The following LAPTM4A variants were observed in gnomAD, a reference collection of about 807,000 sequenced individuals.
The protein encoded by LAPTM4A is lysosomal protein transmembrane 4 alpha, also known as lysosomal-associated transmembrane protein 4A.
LAPTM4A carries 19 observed loss-of-function variants against 29.9 expected under a neutral mutation model. That is an observed-to-expected ratio of 0.64 (90% CI 0.44 to 0.93). LAPTM4A has a LOEUF of 0.93. Ranked by LOEUF, LAPTM4A falls within the 40% of genes least tolerant of loss-of-function variation. The probability of loss-of-function intolerance (pLI) is 0.00; values close to 1 mark genes in which losing one functional copy is unlikely to be tolerated. For missense variants in LAPTM4A, 293 were observed against 288.5 expected, an observed-to-expected ratio of 1.02 and a Z score of -0.11; for synonymous variants, 105 against 102.1, an observed-to-expected ratio of 1.03 and a Z score of -0.17.
intron 1 of LAPTM4A, 31 bp downstream of exon 1, chr2:20,051,379 C>G (rs1558388544): frequency 6.2e-6 from 9 of 1,458,600 alleles, no homozygotes; most frequent in Non-Finnish European, 8.6e-6. Flanking sequence ...CCAGGCCCCC[C>G]GGACATACGC....
chr2:20,044,075 T>C (rs1017758222), intron 1 of LAPTM4A, among the ~76,000 whole-genome samples: 1 of 152,242 alleles, frequency 6.6e-6, no homozygotes, highest in African/African-American at 2.4e-5. Flanking sequence ...AGGCAAGGCA[T>C]GATATCTTTC....
intron 6 of LAPTM4A, among the ~76,000 whole-genome samples, chr2:20,033,518 G>T (rs971612697): frequency 1.3e-5 from 2 of 152,142 alleles, no homozygotes; most frequent in Admixed American, 6.5e-5. Context: ...CCTGCTTCTG[G>T]ACAAGGATTC....
chr2:20,036,955 C>T (rs1158117390), intron 4 of LAPTM4A, among the ~76,000 whole-genome samples: 1 of 152,316 alleles, frequency 6.6e-6, no homozygotes, highest in East Asian at 1.9e-4. Flanking sequence ...ACATAGTAGG[C>T]ACTGGAATAC....
rs970610880 is a variant in LAPTM4A at position 20,035,009 on chromosome 2, C to T, written c.486G>A (p.Leu162=). The T allele has an allele frequency of 4.3e-6, 7 of 1,612,944 alleles. No homozygotes were observed. Among genetic ancestry groups the T allele is most frequent in the Non-Finnish European group, 5.9e-6 (7 of 1,179,244 alleles). ...AGGCAAAGAACACAAGAACAATGAA[C>T]AGGAGGCAGCTGGAGTCCAAGGCCA... ...DLLALDSSCL[L]FIVLVFFALF... Residue 162 remains leucine, a synonymous_variant, in exon 5 of 7, where the codon CTG becomes CTA. Transcript: ENST00000175091.
chr2:20,046,748 T>TCATATAAATATATATATAATATAA (rs1235276011), intron 1 of LAPTM4A, among the ~76,000 whole-genome samples: 2 of 132,670 alleles, frequency 1.5e-5, no homozygotes, highest in Non-Finnish European at 3.3e-5. Flanking sequence ...TAAATATATA[T>TCATATAAATATATATATAATATAA]TATATAAATA....
intron 1 of LAPTM4A, 80 bp downstream of exon 1, chr2:20,051,330 C>T: frequency 1.2e-6 from 1 of 856,200 alleles, no homozygotes; most frequent in East Asian, 2.7e-5. Context: ...CCCAACACCC[C>T]GTTTCCAGTC....
In LAPTM4A at chr2:20,035,049, T is replaced by C. The variant is rs759307681; in HGVS notation, c.446A>G (p.Tyr149Cys). The C allele has an allele frequency of 1.9e-6, 3 of 1,611,140 alleles. No homozygotes were observed. Among genetic ancestry groups the C allele is most frequent in the Non-Finnish European group, 2.5e-6 (3 of 1,177,964 alleles). Residue 149 changes from tyrosine to cysteine, a missense_variant, in exon 5 of 7, where the codon TAC becomes TGC. By Grantham distance (194) the Tyr-to-Cys change is radical. Coordinates refer to ENST00000175091, the MANE Select transcript of LAPTM4A (RefSeq NM_014713.5). Reference sequence around the variant, plus strand: ...GTCCAAGGCCAGGAGGTCATCTTTGTAGGGAAAATCAGGCTATTAAAGAAA... The same window carrying C: ...GTCCAAGGCCAGGAGGTCATCTTTGCAGGGAAAATCAGGCTATTAAAGAAA... ...EYLDQLPDFP[Y>C]KDDLLALDSS...
chr2:20,048,553 G>A (rs1220672819), intron 1 of LAPTM4A, among the ~76,000 whole-genome samples: 7 of 152,216 alleles, frequency 4.6e-5, no homozygotes, highest in Admixed American at 4.6e-4. Flanking sequence ...GCCGTGGCTA[G>A]AAAGCAATGA....
chr2:20,042,435 C>G (rs1339159917), intron 1 of LAPTM4A, among the ~76,000 whole-genome samples: 1 of 152,168 alleles, frequency 6.6e-6, no homozygotes, highest in Non-Finnish European at 1.5e-5. Context: ...ACATTCTTGC[C>G]TATGAAGATT....
Position 20,032,852 on chromosome 2 carries a change from G to T in LAPTM4A, c.*353C>A, listed in dbSNP as rs555631486. On this transcript the variant is annotated 3_prime_UTR_variant, in exon 7 of 7. Coordinates refer to ENST00000175091, the MANE Select transcript of LAPTM4A (RefSeq NM_014713.5). ...GTCAGTCTTCCTGAAAGTACTCAGG[G>T]TAGCAAGTAACAAAATGCAAACGAT... 1 of 226,510 alleles carries T rather than the reference G, an allele frequency of 4.4e-6. No homozygotes were observed. Among genetic ancestry groups the T allele is most frequent in the East Asian group, 9.7e-5 (1 of 10,296 alleles). 14.0% of individuals were successfully genotyped at this position (226,510 alleles called of 1,614,324 possible). A position where few individuals can be genotyped will look rare whatever the true frequency, so the allele number is the denominator to read the frequency against.
chr2:20,044,108 G>A (rs1401389835), intron 1 of LAPTM4A, among the ~76,000 whole-genome samples: 1 of 152,170 alleles, frequency 6.6e-6, no homozygotes, highest in Non-Finnish European at 1.5e-5. Flanking sequence ...GACTTACCAG[G>A]AACAATCACT....
At chr2:20,040,610 T>G (rs1673773488) in intron 2 of LAPTM4A, among the ~76,000 whole-genome samples, 1 of 152,218 alleles carries the variant, frequency 6.6e-6, no homozygotes, top group African/African-American at 2.4e-5. Flanking sequence ...TACTATATTT[T>G]TCCATCTTTA....
At chr2:20,051,379 C>T in intron 1 of LAPTM4A, 31 bp downstream of exon 1, 1 of 1,458,594 alleles carries the variant, frequency 6.9e-7, no homozygotes, top group Non-Finnish European at 9.6e-7. Flanking sequence ...CCAGGCCCCC[C>T]GGACATACGC....
chr2:20,038,903 T>C (rs549871317), intron 2 of LAPTM4A, among the ~76,000 whole-genome samples: 21 of 152,114 alleles, frequency 1.4e-4, no homozygotes, highest in African/African-American at 4.8e-4. Flanking sequence ...ATATTCCCTA[T>C]TGGGTAAATG....
rs1481536886 is a variant in LAPTM4A, at chr2:20,040,917, T to C, written c.206A>G (p.Asn69Ser). Residue 69 changes from asparagine (N) to serine (S), a missense_variant, in exon 2 of 7, where the codon AAT (asparagine) becomes AGT (serine). Asn to Ser is a conservative substitution (Grantham distance 46, BLOSUM62 1). Coordinates refer to ENST00000175091, the MANE Select transcript of LAPTM4A (RefSeq NM_014713.5). The part of the protein sequence containing the change: ...AVNIQYEVIG[N>S]YYSSERMADN... ...AGCCATTCTCTCAGACGAATAGTAA[T>C]TACCGATGACTTCATACTGAATGTT... is the stretch of plus-strand genomic sequence containing the variant. 4 of 1,613,834 alleles carry C rather than the reference T, an allele frequency of 2.5e-6. No individual in the cohort carries two copies. In the East Asian group the frequency reaches 6.7e-5, roughly 27 times the overall value.
intron 4 of LAPTM4A, 42 bp downstream of exon 4, chr2:20,037,274 C>T (rs1297121355): frequency 6.7e-7 from 1 of 1,484,462 alleles, no homozygotes; most frequent in Non-Finnish European, 9.1e-7. Flanking sequence ...ACATTTTACT[C>T]AAAATGAAAA....
intron 1 of LAPTM4A, among the ~76,000 whole-genome samples, chr2:20,041,369 T>C (rs1373914794): frequency 6.6e-6 from 1 of 152,216 alleles, no homozygotes; most frequent in African/African-American, 2.4e-5. Context: ...ACTGTTCATC[T>C]GTTATATTTA....
chr2:20,050,534 C>G (rs547952865), intron 1 of LAPTM4A, among the ~76,000 whole-genome samples: 1 of 152,198 alleles, frequency 6.6e-6, no homozygotes, highest in Admixed American at 6.5e-5. Context: ...AAACTGAATC[C>G]CATATTTGGA....
In LAPTM4A at chr2:20,051,590, G is replaced by T; in HGVS notation, c.-70C>A. 9.7e-7 allele frequency: 1 copy of T among 1,031,902 alleles called. No homozygotes were observed. The highest frequency in any genetic ancestry group is 1.4e-6 in the Non-Finnish European group (1 of 691,934). The allele number at this position is 1,031,902 out of a possible 1,614,324, so 63.9% of individuals were successfully genotyped here. A position where few individuals can be genotyped will look rare whatever the true frequency, so the allele number is the denominator to read the frequency against. On this transcript the variant is annotated 5_prime_UTR_variant, in exon 1 of 7. Coordinates refer to ENST00000175091, the MANE Select transcript of LAPTM4A (RefSeq NM_014713.5). ...TCTCCACCCGCAGCCAAACTCAAAC[G>T]GCTGTTTCACGGCCTCCAAAACCCA...
Sources: gnomAD v4.1 joint callset for allele counts (sites outside exome capture counted in the v4.1 genomes callset) on GRCh38, gnomAD v4.1.1 for gene constraint, MANE v1.5 for transcripts, NCBI Gene and HGNC (gene_info 2026-07-23, HGNC 2026-07-21) for gene names.